The following TGFB1 variants were observed in gnomAD, a reference collection of about 807,000 sequenced individuals.
TGFB1 encodes the protein transforming growth factor beta 1.
TGFB1 carries 19 observed loss-of-function variants against 43.8 expected under a neutral mutation model. The ratio of observed to expected loss-of-function variants is 0.43; its 90% CI spans 0.30 to 0.64. The LOEUF is 0.64. TGFB1 is among the 30% of genes least tolerant of loss of function. The pLI is 0.11. For synonymous variants in TGFB1, 221 were observed against 236.3 expected, an observed-to-expected ratio of 0.94 and a Z score of 0.60; for missense variants, 445 against 529.8, an observed-to-expected ratio of 0.84 and a Z score of 1.57.
chr19:41,344,250 G>A (rs1204003398), intron 3 of TGFB1, among the ~76,000 whole-genome samples: 1 of 152,010 alleles, frequency 6.6e-6, no homozygotes, highest in Non-Finnish European at 1.5e-5. Flanking sequence ...CTTCAAAAGT[G>A]CTGGGATTAT....
chr19:41,353,025 C>T lies in TGFB1; in HGVS notation c.20G>A (p.Arg7Gln). 1 of 1,529,912 alleles carries T rather than the reference C, an allele frequency of 6.5e-7. No homozygotes were observed. The highest frequency in any genetic ancestry group is 8.8e-7 in the Non-Finnish European group (1 of 1,142,260). The allele number at this position is 1,529,912 out of a possible 1,614,324, so 94.8% of individuals were successfully genotyped here. A position where few individuals can be genotyped will look rare whatever the true frequency, so the allele number is the denominator to read the frequency against. The part of the protein sequence containing the change: MPPSGL[R>Q]LLPLLLPLLW... ...CAGCGGTAGCAGCAGCGGCAGCAGC[C>T]GCAGCCCGGAGGGCGGCATGGGGGA... Residue 7 changes from arginine (R) to glutamine (Q), a missense_variant, in exon 1 of 7, where the codon CGG becomes CAG. Coordinates refer to ENST00000221930, the MANE Select transcript of TGFB1 (RefSeq NM_000660.7). This position sits in a 1 kb window ranked among gnomAD's most constrained non-coding sequence, Gnocchi z 5.9.
intron 3 of TGFB1, 116 bp from the exon 4 acceptor site, chr19:41,342,363 C>T (rs2038067516): frequency 2.1e-6 from 2 of 946,426 alleles, no homozygotes; most frequent in African/African-American, 1.6e-5. Flanking sequence ...CCACCCACCC[C>T]ACTCTGCCCT....
intron 3 of TGFB1, among the ~76,000 whole-genome samples, 175 bp from the exon 4 acceptor site, chr19:41,342,422 G>T (rs1339149477): frequency 1.5e-5 from 2 of 133,078 alleles, no homozygotes; most frequent in Non-Finnish European, 3.1e-5. Context: ...TTGAGACAAG[G>T]TCTCGCAGCC....
intron 2 of TGFB1, among the ~76,000 whole-genome samples, chr19:41,346,801 C>T (rs1452554186): frequency 6.6e-6 from 1 of 152,152 alleles, no homozygotes; most frequent in Non-Finnish European, 1.5e-5. Flanking sequence ...TCTCCGCTCA[C>T]TGCAGTCTCC....
chr19:41,341,294 A>G (rs1225159930), intron 5 of TGFB1, among the ~76,000 whole-genome samples: 2 of 151,720 alleles, frequency 1.3e-5, no homozygotes, highest in Non-Finnish European at 2.9e-5. Flanking sequence ...GTGAAACCCC[A>G]TCTCTACTAA....
rs61761350 is a variant in TGFB1, at chr19:41,353,273, G to C, written c.-229C>G. ...GATGGGCGCGATCTGGTACCAGAAG[G>C]TGGGTGGTCTTGAATAGGGGATCTG... is the stretch of plus-strand genomic sequence containing the variant. On this transcript the variant is annotated 5_prime_UTR_variant, in exon 1 of 7. Coordinates refer to ENST00000221930, the MANE Select transcript of TGFB1 (RefSeq NM_000660.7). This position sits in a 1 kb window ranked among gnomAD's most constrained non-coding sequence, Gnocchi z 5.9. 5.6e-6 allele frequency: 3 copies of C among 539,728 alleles called. No homozygotes were observed. In the East Asian group the frequency reaches 9.7e-5, roughly 17 times the overall value. 33.4% of individuals were successfully genotyped at this position (539,728 alleles called of 1,614,324 possible).
chr19:41,331,706 G>A (rs2037933627), intron 6 of TGFB1, among the ~76,000 whole-genome samples: 4 of 150,136 alleles, frequency 2.7e-5, no homozygotes, highest in African/African-American at 7.4e-5. Flanking sequence ...GAGCCGCCGC[G>A]CCCGCCTGAT....
At chr19:41,344,699 G>A in intron 3 of TGFB1, 48 bp downstream of exon 3, 1 of 1,568,990 alleles carries the variant, frequency 6.4e-7, no homozygotes, top group Non-Finnish European at 8.8e-7. Context: ...CAAACAATGG[G>A]GTGGACCCCA....
chr19:41,352,636 C>T, intron 1 of TGFB1, 54 bp downstream of exon 1: 1 of 1,596,532 alleles, frequency 6.3e-7, no homozygotes, highest in Non-Finnish European at 8.5e-7. Flanking sequence ...GGCCCCGGCA[C>T]TCCGGCGCCC....
At chr19:41,339,885 G>A (rs556513509) in intron 5 of TGFB1, among the ~76,000 whole-genome samples, 130 of 152,278 alleles carry the variant, frequency 8.5e-4, no homozygotes, top group South Asian at 3.5e-3. Context: ...AGATCTGGTG[G>A]TGAAGGAGCC....
In TGFB1 at chr19:41,335,653, T is replaced by C. The variant is rs148838759; in HGVS notation, c.861-3372A>G. Among the ~76,000 whole-genome samples the C allele has an allele frequency of 1.1e-3, 175 of 152,268 alleles. 1 individual carries two copies. In the South Asian group the frequency reaches 0.014, roughly 12 times the overall value. The stretch of plus-strand genomic sequence containing the variant: ...GCCTACCCTGCACCGGGCCTTGGGA[T>C]ACCCACAGCCCTTGCCCTTGCCAAG... On this transcript the variant is annotated intron_variant, in intron 5 of 6. Coordinates refer to ENST00000221930, the MANE Select transcript of TGFB1 (RefSeq NM_000660.7).
intron 6 of TGFB1, 169 bp downstream of exon 6, chr19:41,331,959 G>T: frequency 1.1e-6 from 1 of 925,432 alleles, no homozygotes; most frequent in Non-Finnish European, 1.6e-6. Flanking sequence ...CCCCTCTCTA[G>T]CTTCCTGCCT....
chr19:41,332,871 T>C (rs2037948676), intron 5 of TGFB1, among the ~76,000 whole-genome samples: 1 of 152,160 alleles, frequency 6.6e-6, no homozygotes, highest in African/African-American at 2.4e-5. Flanking sequence ...ACCCTGTCTC[T>C]ACAAAATTTT....
chr19:41,349,309 C>T (rs983560311), intron 1 of TGFB1, among the ~76,000 whole-genome samples: 4 of 152,186 alleles, frequency 2.6e-5, no homozygotes, highest in African/African-American at 7.2e-5. Flanking sequence ...CGCTGTGTAA[C>T]CTTGGGCAAG....
chr19:41,344,387 G>A (rs2038092213), intron 3 of TGFB1, among the ~76,000 whole-genome samples: 1 of 152,072 alleles, frequency 6.6e-6, no homozygotes, highest in Admixed American at 6.6e-5. Flanking sequence ...ATTCTGGGCT[G>A]GGTCAGGTAC....
At chr19:41,332,798 G>A (rs2037947943) in intron 5 of TGFB1, among the ~76,000 whole-genome samples, 1 of 152,216 alleles carries the variant, frequency 6.6e-6, no homozygotes, top group African/African-American at 2.4e-5. Flanking sequence ...GAGTCGAGGA[G>A]TTCGAGGTTG....
In TGFB1 at chr19:41,344,608, A is replaced by G. The variant is rs186865060; in HGVS notation, c.634+139T>C. 7.5e-5 allele frequency: 58 copies of G among 769,870 alleles called. 2 individuals carry two copies. The highest frequency in any genetic ancestry group is 5.2e-4 in the Admixed American group (26 of 50,396). 47.7% of individuals were successfully genotyped at this position (769,870 alleles called of 1,614,324 possible). ...AGATTAGCCAATCACTCAGGTTTCC[A>G]TGCCACAGAGGGGAGCCAGGTCTCA... On this transcript the variant is annotated intron_variant, in intron 3 of 6. Transcript: ENST00000221930.
rs749275172 is a variant in TGFB1 at position 41,341,892 on chromosome 19, T to C, written c.851A>G (p.Tyr284Cys). 3.1e-6 allele frequency: 5 copies of C among 1,613,458 alleles called. No homozygotes were observed. Among genetic ancestry groups the C allele is most frequent in the Non-Finnish European group, 4.2e-6 (5 of 1,179,874 alleles). The change falls in exon 5 of 7, where the codon TAT becomes TGT. Residue 284 changes from tyrosine to cysteine, a missense_variant. By Grantham distance (194) the Tyr-to-Cys change is radical. Around this residue, in one of 3 missense-constraint regions of TGFB1, gnomAD observed 366 missense variants for 428.8 expected, o/e 0.85. Coordinates refer to ENST00000221930, the MANE Select transcript of TGFB1 (RefSeq NM_000660.7). The part of the protein sequence containing the change: ...SRHRRALDTN[Y>C]CFSSTEKNCC... ...AGGCTACAAGGCTCACCTGAAGCAA[T>C]AGTTGGTGTCCAGGGCTCGGCGGTG...
At chr19:41,345,923 G>T (rs935011699) in intron 2 of TGFB1, among the ~76,000 whole-genome samples, 4 of 151,886 alleles carry the variant, frequency 2.6e-5, no homozygotes, top group African/African-American at 7.2e-5. Flanking sequence ...AAGTCATTTT[G>T]TGATTCAAAT....
Sources: allele counts gnomAD v4.1 joint callset (sites outside exome capture counted in the v4.1 genomes callset), GRCh38; gene constraint gnomAD v4.1.1; regional missense constraint gnomAD v4.1.1; non-coding constraint Gnocchi (gnomAD v3.1); transcripts MANE v1.5; gene names NCBI Gene and HGNC (gene_info 2026-07-23, HGNC 2026-07-21).